The following CDH7 variants were observed in gnomAD, a reference collection of about 807,000 sequenced individuals.
CDH7 encodes cadherin 7.
Under a neutral mutation model 71.8 loss-of-function variants are expected in CDH7, and 25 were observed. The observed-to-expected ratio is 0.35, with a 90% CI of 0.25 to 0.49. The LOEUF (loss-of-function observed/expected upper bound fraction) is 0.49. CDH7 is among the 20% of genes least tolerant of loss of function. The pLI, the probability that CDH7 is intolerant of heterozygous loss-of-function variation, is 0.99. For missense variants in CDH7, 862 were observed against 974.6 expected (o/e 0.88, Z 1.54); for synonymous variants, 381 against 363.8 (o/e 1.05, Z -0.54).
intron 2 of CDH7, among the ~76,000 whole-genome samples, chr18:65,806,851 CAA>C (rs1199951494): frequency 6.6e-6 from 1 of 152,180 alleles, no homozygotes; most frequent in Non-Finnish European, 1.5e-5. Flanking sequence ...GTATAATGCA[CAA>C]AGTCTCACAG....
intron 2 of CDH7, among the ~76,000 whole-genome samples, chr18:65,802,891 G>T (rs146715320): frequency 6.6e-6 from 1 of 152,054 alleles, no homozygotes. Context: ...AATCTGTGTC[G>T]GTGAACATGA....
chr18:65,798,555 T>C (rs1910999628), intron 2 of CDH7, among the ~76,000 whole-genome samples: 1 of 152,154 alleles, frequency 6.6e-6, no homozygotes, highest in Non-Finnish European at 1.5e-5. Context: ...TTTATTGGTG[T>C]GCATTCTTGG....
intron 2 of CDH7, among the ~76,000 whole-genome samples, chr18:65,792,267 A>G (rs909627847): frequency 2.0e-5 from 3 of 151,058 alleles, no homozygotes; most frequent in African/African-American, 7.3e-5. Flanking sequence ...GAAGAAGAAA[A>G]GGACAAAGGA....
chr18:65,864,358 T>G (rs1357733147), intron 11 of CDH7, among the ~76,000 whole-genome samples: 1 of 151,942 alleles, frequency 6.6e-6, no homozygotes, highest in African/African-American at 2.4e-5. Flanking sequence ...TCTTAAAACA[T>G]TATGAAATGT....
At chr18:65,829,042 A>G (rs1034341383) in intron 6 of CDH7, among the ~76,000 whole-genome samples, 5 of 152,234 alleles carry the variant, frequency 3.3e-5, no homozygotes, top group African/African-American at 9.6e-5. Context: ...TCTGAGACAG[A>G]ACCATTAGAT....
At chr18:65,771,640 C>T (rs1371959310) in intron 2 of CDH7, among the ~76,000 whole-genome samples, 3 of 151,430 alleles carry the variant, frequency 2.0e-5, no homozygotes, top group Non-Finnish European at 4.4e-5. Flanking sequence ...CATGCCACTG[C>T]ACTCCAGCCT....
chr18:65,827,232 A>C (rs970807740), intron 6 of CDH7, among the ~76,000 whole-genome samples: 1 of 151,878 alleles, frequency 6.6e-6, no homozygotes, highest in African/African-American at 2.4e-5. Flanking sequence ...CTTCTAATAC[A>C]TAAATACTTG....
rs995818818 is a variant in CDH7 at position 65,785,089 on chromosome 18, C to T, written c.210+22037C>T. Reference sequence around the variant, plus strand: ...TTTAGTTAACTAGAAGTTTGGTTAACTTATTGCGACAATCCACTTGCAAAG... The same window carrying T: ...TTTAGTTAACTAGAAGTTTGGTTAATTTATTGCGACAATCCACTTGCAAAG... On this transcript the variant is annotated intron_variant, in intron 2 of 11. Coordinates refer to ENST00000397968, the MANE Select transcript of CDH7 (RefSeq NM_004361.5). Among the ~76,000 whole-genome samples the T allele has an allele frequency of 5.9e-5, 9 of 152,088 alleles. 1 individual carries two copies. Among genetic ancestry groups the T allele is most frequent in the African/African-American group, 2.2e-4 (9 of 41,422 alleles).
intron 6 of CDH7, among the ~76,000 whole-genome samples, chr18:65,827,571 T>C (rs980457465): frequency 1.3e-5 from 2 of 151,922 alleles, no homozygotes; most frequent in Admixed American, 6.5e-5. Flanking sequence ...CTAAACACAC[T>C]GTTTATATGA....
At chr18:65,796,199 A>T (rs1910906939) in intron 2 of CDH7, among the ~76,000 whole-genome samples, 1 of 152,280 alleles carries the variant, frequency 6.6e-6, no homozygotes, top group African/African-American at 2.4e-5. Context: ...ATCAAATTGC[A>T]AGCTAGTATA....
At chr18:65,774,623 C>CGGGGG (rs139698812) in intron 2 of CDH7, among the ~76,000 whole-genome samples, 10 of 151,926 alleles carry the variant, frequency 6.6e-5, no homozygotes, top group African/African-American at 2.4e-4. Context: ...ACGATTTCCT[C>CGGGGG]GGGGCCGTCA....
intron 7 of CDH7, among the ~76,000 whole-genome samples, chr18:65,853,905 C>CTATA (rs1491433359): frequency 1.4e-4 from 6 of 43,054 alleles, no homozygotes; most frequent in Non-Finnish European, 2.4e-4. Context: ...TCATAAATTA[C>CTATA]CATATATATA....
intron 10 of CDH7, among the ~76,000 whole-genome samples, chr18:65,861,212 A>G (rs1318021707): frequency 6.6e-6 from 1 of 152,170 alleles, no homozygotes; most frequent in Non-Finnish European, 1.5e-5. Flanking sequence ...GAAGGAAAAC[A>G]TATGAATACA....
chr18:65,854,620 T>C (rs1032116), intron 7 of CDH7, among the ~76,000 whole-genome samples: 116,632 of 151,924 alleles, frequency 0.77, 44,948 homozygotes, highest in East Asian at 0.93. Flanking sequence ...TCATTTAGAC[T>C]GATGTCTGTC....
intron 2 of CDH7, among the ~76,000 whole-genome samples, chr18:65,766,663 T>G (rs1568173941): frequency 6.6e-6 from 1 of 152,074 alleles, no homozygotes; most frequent in Non-Finnish European, 1.5e-5. Flanking sequence ...ATGTATGTTT[T>G]AATTACCATC....
intron 1 of CDH7, among the ~76,000 whole-genome samples, chr18:65,755,986 AAAAC>A (rs1055551218): frequency 6.6e-5 from 10 of 152,208 alleles, no homozygotes; most frequent in African/African-American, 2.2e-4. Flanking sequence ...CAAAAAAACA[AAAAC>A]AAAAACAAAA....
intron 2 of CDH7, chr18:65,803,936 TAA>T (rs1318433952): frequency 2.0e-5 from 3 of 151,874 alleles, no homozygotes; most frequent in African/African-American, 4.8e-5. Flanking sequence ...AATAGCAGTA[TAA>T]GTTTTATTTA....
intron 3 of CDH7, among the ~76,000 whole-genome samples, chr18:65,810,570 A>G (rs116145817): frequency 0.023 from 3,574 of 152,246 alleles, 131 homozygotes; most frequent in African/African-American, 0.08. Flanking sequence ...AAATTTTAAG[A>G]TCAGGGATAC....
chr18:65,876,363 C>T (rs1288361294), intron 11 of CDH7, among the ~76,000 whole-genome samples: 1 of 152,204 alleles, frequency 6.6e-6, no homozygotes, highest in Admixed American at 6.5e-5. Flanking sequence ...TCTTCCTCTC[C>T]TTGGTCCAGT....
Sources: gnomAD v4.1 joint callset for allele counts (sites outside exome capture counted in the v4.1 genomes callset) on GRCh38, gnomAD v4.1.1 for gene constraint, MANE v1.5 for transcripts, NCBI Gene and HGNC (gene_info 2026-07-23, HGNC 2026-07-21) for gene names.